MTMR12: variants seen among roughly 807,000 people sequenced by gnomAD.
MTMR12 encodes myotubularin related protein 12.
A neutral mutation model predicts 96.7 loss-of-function variants in MTMR12; 33 were observed. The ratio of observed to expected loss-of-function variants is 0.34; its 90% CI spans 0.26 to 0.46. The LOEUF is 0.46. Ranked by LOEUF, MTMR12 falls within the 20% of genes least tolerant of loss-of-function variation. The probability of loss-of-function intolerance (pLI) is 1.00; values close to 1 mark genes in which losing one functional copy is unlikely to be tolerated. For synonymous variants in MTMR12, 298 were observed against 327.2 expected, an observed-to-expected ratio of 0.91 and a Z score of 0.96; for missense variants, 721 against 896.1, an observed-to-expected ratio of 0.80 and a Z score of 2.49.
chr5:32,296,166 A>C (rs558843236), intron 1 of MTMR12, among the ~76,000 whole-genome samples: 39 of 152,208 alleles, frequency 2.6e-4, no homozygotes, highest in South Asian at 6.2e-4. Context: ...CTCAAAAAAA[A>C]AAACAAACAC....
chr5:32,288,162 A>G (rs1750613853), intron 1 of MTMR12, among the ~76,000 whole-genome samples: 1 of 152,220 alleles, frequency 6.6e-6, no homozygotes, highest in Admixed American at 6.5e-5. Context: ...GAAGGCATTC[A>G]TGGGAAAAGA....
intron 1 of MTMR12, among the ~76,000 whole-genome samples, chr5:32,287,767 A>G (rs549350344): frequency 3.3e-5 from 5 of 152,362 alleles, no homozygotes; most frequent in African/African-American, 1.2e-4. Context: ...TGAACTGTTT[A>G]GAAAGTTATG....
In MTMR12 at chr5:32,274,223, C is replaced by A. The variant is rs935921595; in HGVS notation, c.143-101G>T. The A allele has an allele frequency of 3.7e-6, 5 of 1,335,216 alleles. No individual in the cohort carries two copies. In the South Asian group the frequency reaches 4.2e-5, roughly 11 times the overall value. 82.7% of individuals were successfully genotyped at this position (1,335,216 alleles called of 1,614,324 possible). A position where few individuals can be genotyped will look rare whatever the true frequency, so the allele number is the denominator to read the frequency against. ...CCCTATTTACATAAGGACAAACATA[C>A]AATACAACACAGGGCTTTAGAACTT... On this transcript the variant is annotated intron_variant, in intron 2 of 15. Coordinates refer to ENST00000382142, the MANE Select transcript of MTMR12 (RefSeq NM_001040446.3).
rs1328173743 is a variant in MTMR12, at chr5:32,268,713, G to C, written c.571C>G (p.Gln191Glu). The C allele has an allele frequency of 6.2e-7, 1 of 1,613,198 alleles. No individual in the cohort carries two copies. The highest frequency in any genetic ancestry group is 1.3e-5 in the African/African-American group (1 of 74,894). ...LFLFSYATAA[Q>E]NNTVTDPKNH... ...AGAAGATATTTACCTGTATTGTTTT[G>C]TGCAGCAGTCGCATAGGAAAACAGA... The change falls in exon 6 of 16, where the codon CAA (glutamine) becomes GAA (glutamate). Residue 191 changes from glutamine (Q) to glutamate (E), a missense_variant. Gln to Glu is a conservative substitution (Grantham distance 29). Coordinates refer to ENST00000382142, the MANE Select transcript of MTMR12 (RefSeq NM_001040446.3).
In MTMR12 at chr5:32,233,457, C is replaced by CACACACACAA. The variant is rs1748081967; in HGVS notation, c.1674+315_1674+316insTTGTGTGTGT. 2.0e-5 allele frequency among the ~76,000 whole-genome samples: 3 copies of CACACACACAA among 147,048 alleles called. No homozygotes were observed. Among genetic ancestry groups the CACACACACAA allele is most frequent in the African/African-American group, 7.6e-5 (3 of 39,258 alleles). ...ATCAATGTTCCTTTTACTCTACTAACACACACACACACACAAACACACACA... is the reference window on the plus strand; with the variant it reads ...ATCAATGTTCCTTTTACTCTACTAACACACACACAAACACACACACACACAAACACACACA... On this transcript the variant is annotated intron_variant, in intron 15 of 15. Transcript: ENST00000382142. The surrounding 1 kb of genome is among the most constrained non-coding windows in gnomAD (Gnocchi z 5.0).
At chr5:32,248,926 C>T (rs771384660) in intron 8 of MTMR12, 48 bp from the exon 9 acceptor site, 1 of 1,406,012 alleles carries the variant, frequency 7.1e-7, no homozygotes, top group East Asian at 2.3e-5. Flanking sequence ...CACAACCCAA[C>T]AGGGGACACA....
In MTMR12 at chr5:32,228,569, C is replaced by CATATATATGTGATAT. The variant is rs1554053391; in HGVS notation, c.*1208_*1209insATATCACATATATAT. ...TCATATATATGTGATATATATATAT[C>CATATATATGTGATAT]ATATATATATCATATATATGTGATA... On this transcript the variant is annotated 3_prime_UTR_variant, in exon 16 of 16. Coordinates refer to ENST00000382142, the MANE Select transcript of MTMR12 (RefSeq NM_001040446.3). 6.2e-5 allele frequency: 7 copies of CATATATATGTGATAT among 112,516 alleles called. No individual in the cohort carries two copies. The highest frequency in any genetic ancestry group is 2.8e-4 in the African/African-American group (7 of 25,080). 7.0% of individuals were successfully genotyped at this position (112,516 alleles called of 1,614,324 possible). A position where few individuals can be genotyped will look rare whatever the true frequency, so the allele number is the denominator to read the frequency against.
chr5:32,261,888 G>T (rs936033628), intron 7 of MTMR12, among the ~76,000 whole-genome samples: 5 of 152,128 alleles, frequency 3.3e-5, no homozygotes, highest in African/African-American at 1.2e-4. Flanking sequence ...CTGGCTAACA[G>T]GGTGAAACCC....
At chr5:32,283,351 T>C (rs528623773) in intron 1 of MTMR12, among the ~76,000 whole-genome samples, 16 of 148,708 alleles carry the variant, frequency 1.1e-4, no homozygotes, top group Middle Eastern at 3.5e-3. Flanking sequence ...CTTACTGAGG[T>C]TGAGAAGTGA....
At chr5:32,308,309 G>A (rs1040660241) in intron 1 of MTMR12, among the ~76,000 whole-genome samples, 7 of 151,674 alleles carry the variant, frequency 4.6e-5, no homozygotes, top group Non-Finnish European at 8.8e-5. Flanking sequence ...GTGACAGAAC[G>A]AGGCTCCATC....
rs923716552 is a variant in MTMR12 at position 32,228,567 on chromosome 5, A to C, written c.*1211T>G. On this transcript the variant is annotated 3_prime_UTR_variant, in exon 16 of 16. Transcript: ENST00000382142. ...TATCATATATATGTGATATATATAT[A>C]TCATATATATATCATATATATGTGA... is the stretch of plus-strand genomic sequence containing the variant. 8.7e-5 allele frequency: 11 copies of C among 126,014 alleles called. No individual in the cohort carries two copies. The highest frequency in any genetic ancestry group is 6.6e-4 in the East Asian group (3 of 4,542). 7.8% of individuals were successfully genotyped at this position (126,014 alleles called of 1,614,324 possible).
chr5:32,278,754 C>A (rs1750159976), intron 1 of MTMR12, among the ~76,000 whole-genome samples: 1 of 152,118 alleles, frequency 6.6e-6, no homozygotes, highest in Non-Finnish European at 1.5e-5. Context: ...ACTATTCCTG[C>A]ATGTTAAAAG....
At chr5:32,242,032 A>G in intron 12 of MTMR12, 25 bp downstream of exon 12, 1 of 1,575,890 alleles carries the variant, frequency 6.3e-7, no homozygotes, top group Non-Finnish European at 8.7e-7. Flanking sequence ...AATGGAAATC[A>G]TCCTTTGTGC....
chr5:32,298,952 CAAAAAAAA>C (rs766708610), intron 1 of MTMR12, among the ~76,000 whole-genome samples: 2 of 54,644 alleles, frequency 3.7e-5, no homozygotes, highest in African/African-American at 6.7e-5. Context: ...GACTCCATCT[CAAAAAAAA>C]AAAAAAAAAA....
chr5:32,282,157 C>T (rs536187018), intron 1 of MTMR12, among the ~76,000 whole-genome samples: 7 of 152,074 alleles, frequency 4.6e-5, no homozygotes, highest in South Asian at 2.1e-4. Context: ...GCGAGGCGGA[C>T]GGATCACGAG....
At chr5:32,263,770 C>T (rs1581613485) in intron 6 of MTMR12, among the ~76,000 whole-genome samples, 1 of 152,056 alleles carries the variant, frequency 6.6e-6, no homozygotes, top group Admixed American at 6.6e-5. Flanking sequence ...AACTGAGTTC[C>T]ATTCCTTGGA....
chr5:32,289,412 G>A (rs911170073), intron 1 of MTMR12, among the ~76,000 whole-genome samples: 2 of 145,906 alleles, frequency 1.4e-5, no homozygotes, highest in Non-Finnish European at 2.9e-5. Context: ...GTCCCCTTGA[G>A]GAAGGACCCC....
chr5:32,242,535 T>C (rs1297857932), intron 11 of MTMR12, among the ~76,000 whole-genome samples: 1 of 152,140 alleles, frequency 6.6e-6, no homozygotes, highest in African/African-American at 2.4e-5. Flanking sequence ...AAAGCTCCAA[T>C]ATGCTCAGAA....
At chr5:32,278,708 A>G (rs547083454) in intron 1 of MTMR12, among the ~76,000 whole-genome samples, 2 of 152,262 alleles carry the variant, frequency 1.3e-5, no homozygotes, top group South Asian at 4.1e-4. Context: ...TCCCCAGATG[A>G]TTCTGATGTA....
Sources: allele counts gnomAD v4.1 joint callset (sites outside exome capture counted in the v4.1 genomes callset), GRCh38; gene constraint gnomAD v4.1.1; non-coding constraint Gnocchi (gnomAD v3.1); transcripts MANE v1.5; gene names NCBI Gene and HGNC (gene_info 2026-07-23, HGNC 2026-07-21).